The following TTC9 variants were observed in gnomAD, a reference collection of about 807,000 sequenced individuals.
TTC9 encodes the protein tetratricopeptide repeat protein 9A.
A neutral mutation model predicts 22.9 loss-of-function variants in TTC9; 13 were observed. The observed-to-expected ratio is 0.57, with a 90% CI of 0.37 to 0.90. TTC9 has a LOEUF of 0.90. Ranked by LOEUF, TTC9 falls within the 40% of genes least tolerant of loss-of-function variation. TTC9 has a pLI of 0.01. For missense variants in TTC9, 280 were observed against 291.8 expected, an observed-to-expected ratio of 0.96 and a Z score of 0.29; for synonymous variants, 148 against 133.2, an observed-to-expected ratio of 1.11 and a Z score of -0.77.
At position 70,668,265 on chromosome 14, in the gene TTC9, A is replaced by C. The variant is rs1169751015; in HGVS notation, c.589+519A>C. On this transcript the variant is annotated intron_variant, in intron 2 of 2. Transcript: ENST00000256367. The stretch of plus-strand genomic sequence containing the variant: ...AGCATTCACTTAGATCATATCCACC[A>C]GTCATTCATTCATTCATTCCACAGA... Among the ~76,000 whole-genome samples, 9 of 152,264 alleles carry C rather than the reference A, an allele frequency of 5.9e-5. No individual in the cohort carries two copies. The East Asian group carries it at 1.5e-3, about 26-fold the overall frequency.
intron 2 of TTC9, among the ~76,000 whole-genome samples, chr14:70,669,695 T>G (rs1255479849): frequency 6.6e-6 from 1 of 152,204 alleles, no homozygotes; most frequent in Non-Finnish European, 1.5e-5. Context: ...AACACCTTGT[T>G]GTTGATTTAT....
At position 70,674,522 on chromosome 14, in the gene TTC9, C is replaced by T. The variant is rs1886340846; in HGVS notation, c.*3367C>T. 6.6e-6 allele frequency: 1 copy of T among 152,186 alleles called. No individual in the cohort carries two copies. Among genetic ancestry groups the T allele is most frequent in the Admixed American group, 6.5e-5 (1 of 15,278 alleles). The allele number at this position is 152,186 out of a possible 1,614,324, so 9.4% of individuals were successfully genotyped here. On this transcript the variant is annotated 3_prime_UTR_variant, in exon 3 of 3. Coordinates refer to ENST00000256367, the MANE Select transcript of TTC9 (RefSeq NM_015351.2). ...TTATATTTTAGAATATGTAATCCTA[C>T]ACAGATACAAAATTCAAAAAGTACA...
chr14:70,652,978 G>A (rs532888370), intron 1 of TTC9, among the ~76,000 whole-genome samples: 1 of 152,310 alleles, frequency 6.6e-6, no homozygotes, highest in East Asian at 1.9e-4. Context: ...AATGGAAACA[G>A]GTCTTTACAT....
In TTC9 at chr14:70,673,105, T is replaced by C. The variant is rs544851589; in HGVS notation, c.*1950T>C. 4 of 152,342 alleles carry C rather than the reference T, an allele frequency of 2.6e-5. No homozygotes were observed. The highest frequency in any genetic ancestry group is 4.1e-4 in the South Asian group (2 of 4,826). 9.4% of individuals were successfully genotyped at this position (152,342 alleles called of 1,614,324 possible). ...AAAGGCAGCTGAGGTCCAATAGTTA[T>C]GTCTGTGTATTGCTCATTCTACTTA... On this transcript the variant is annotated 3_prime_UTR_variant, in exon 3 of 3. Coordinates refer to ENST00000256367, the MANE Select transcript of TTC9 (RefSeq NM_015351.2).
At chr14:70,652,539 C>A (rs1008067241) in intron 1 of TTC9, among the ~76,000 whole-genome samples, 20 of 152,200 alleles carry the variant, frequency 1.3e-4, no homozygotes, top group Non-Finnish European at 2.6e-4. Flanking sequence ...CTGGCAATGC[C>A]AGCTATATTA....
At chr14:70,666,978 C>G (rs561584428) in intron 1 of TTC9, among the ~76,000 whole-genome samples, 2 of 152,292 alleles carry the variant, frequency 1.3e-5, no homozygotes, top group Admixed American at 1.3e-4. Flanking sequence ...TATGATCTCA[C>G]AGTTCCAGGG....
At chr14:70,655,412 A>AAG (rs1555362087) in intron 1 of TTC9, among the ~76,000 whole-genome samples, 1 of 152,060 alleles carries the variant, frequency 6.6e-6, no homozygotes, top group Admixed American at 6.5e-5. Flanking sequence ...GAAACAAAAA[A>AAG]AAAAAAACAA....
At chr14:70,662,430 A>T (rs929250939) in intron 1 of TTC9, among the ~76,000 whole-genome samples, 20 of 150,446 alleles carry the variant, frequency 1.3e-4, no homozygotes, top group African/African-American at 4.0e-4. Flanking sequence ...AAAAAAAAAA[A>T]AAATCCACAC....
At chr14:70,665,213 G>A (rs570169629) in intron 1 of TTC9, among the ~76,000 whole-genome samples, 31 of 152,312 alleles carry the variant, frequency 2.0e-4, no homozygotes, top group African/African-American at 6.5e-4. Context: ...TGCTAGGCCC[G>A]GTCAGAGAGG....
At chr14:70,670,099 A>G (rs1594742531) in intron 2 of TTC9, among the ~76,000 whole-genome samples, 1 of 152,344 alleles carries the variant, frequency 6.6e-6, no homozygotes, top group East Asian at 1.9e-4. Context: ...TTTGTTGATC[A>G]TTGTTTTAAG....
At chr14:70,652,333 G>C (rs1213030929) in intron 1 of TTC9, among the ~76,000 whole-genome samples, 1 of 152,164 alleles carries the variant, frequency 6.6e-6, no homozygotes, top group African/African-American at 2.4e-5. Flanking sequence ...AAACCAAATG[G>C]ACGTCAAAGC....
intron 2 of TTC9, among the ~76,000 whole-genome samples, chr14:70,670,526 G>C (rs1886278852): frequency 6.6e-6 from 1 of 152,124 alleles, no homozygotes; most frequent in South Asian, 2.1e-4. Flanking sequence ...GGCGCAGTGG[G>C]ATGTGTCTGT....
intron 1 of TTC9, among the ~76,000 whole-genome samples, chr14:70,654,846 C>T (rs1052694658): frequency 3.3e-5 from 5 of 152,050 alleles, no homozygotes; most frequent in South Asian, 4.1e-4. Flanking sequence ...AAAATGGAAG[C>T]GAGGTACAGA....
chr14:70,647,076 A>T (rs1885912561), intron 1 of TTC9, among the ~76,000 whole-genome samples: 1 of 152,218 alleles, frequency 6.6e-6, no homozygotes, highest in Non-Finnish European at 1.5e-5. Flanking sequence ...CATTGCAAAT[A>T]AAAAATTTTA....
At chr14:70,647,664 C>A (rs1423083299) in intron 1 of TTC9, among the ~76,000 whole-genome samples, 1 of 152,196 alleles carries the variant, frequency 6.6e-6, no homozygotes, top group African/African-American at 2.4e-5. Flanking sequence ...ATTGTGAATG[C>A]TATATGCAAA....
chr14:70,642,112 C>G lies in TTC9; in HGVS notation c.-18C>G. The G allele has an allele frequency of 2.7e-6, 3 of 1,098,892 alleles. No homozygotes were observed. Among genetic ancestry groups the G allele is most frequent in the Non-Finnish European group, 3.3e-6 (3 of 903,894 alleles). 68.1% of individuals were successfully genotyped at this position (1,098,892 alleles called of 1,614,324 possible). A position where few individuals can be genotyped will look rare whatever the true frequency, so the allele number is the denominator to read the frequency against. ...CGGGCAGATCGCGGCGCGCACCAGGCGCCGGGGCGGCGGCCGAATGGAGAG... is the reference window on the plus strand; with the variant it reads ...CGGGCAGATCGCGGCGCGCACCAGGGGCCGGGGCGGCGGCCGAATGGAGAG... On this transcript the variant is annotated 5_prime_UTR_variant, in exon 1 of 3. Transcript: ENST00000256367.
intron 1 of TTC9, among the ~76,000 whole-genome samples, chr14:70,664,590 G>A (rs1022560809): frequency 2.0e-5 from 3 of 152,174 alleles, no homozygotes; most frequent in Admixed American, 1.3e-4. Context: ...GCTAGGCATG[G>A]TGGCGGGCAT....
intron 1 of TTC9, among the ~76,000 whole-genome samples, chr14:70,646,369 C>A (rs1193709199): frequency 6.6e-6 from 1 of 152,192 alleles, no homozygotes; most frequent in African/African-American, 2.4e-5. Context: ...TTGATGGACT[C>A]TTCTTGACAT....
intron 1 of TTC9, among the ~76,000 whole-genome samples, chr14:70,646,014 A>C (rs1023194748): frequency 6.6e-6 from 1 of 152,256 alleles, no homozygotes; most frequent in Non-Finnish European, 1.5e-5. Context: ...GCAAGAGGAC[A>C]GCTAGAATGT....
Sources: allele counts gnomAD v4.1 joint callset (sites outside exome capture counted in the v4.1 genomes callset), GRCh38; gene constraint gnomAD v4.1.1; transcripts MANE v1.5; gene names NCBI Gene and HGNC (gene_info 2026-07-23, HGNC 2026-07-21).